NELL2: variants seen among roughly 807,000 people sequenced by gnomAD.
The protein encoded by NELL2 is protein kinase C-binding protein NELL2.
NELL2 carries 41 observed loss-of-function variants against 109.6 expected under a neutral mutation model. The observed-to-expected ratio is 0.37, with a 90% CI of 0.29 to 0.49. NELL2 has a LOEUF of 0.49. NELL2 is among the 20% of genes least tolerant of loss of function. The pLI is 0.98. For missense variants in NELL2, 900 were observed against 1,008.3 expected (o/e 0.89, Z 1.45); for synonymous variants, 355 against 344.7 (o/e 1.03, Z -0.33).
chr12:44,726,689 C>T (rs900964061), intron 9 of NELL2, among the ~76,000 whole-genome samples: 9 of 152,016 alleles, frequency 5.9e-5, no homozygotes, highest in African/African-American at 1.7e-4. Context: ...TAAAGACTTA[C>T]CGTGTTTAAA....
At chr12:44,679,446 C>T (rs1385018321) in intron 12 of NELL2, among the ~76,000 whole-genome samples, 1 of 152,118 alleles carries the variant, frequency 6.6e-6, no homozygotes, top group African/African-American at 2.4e-5. Context: ...GAACACACAG[C>T]TGTGTGAATC....
At chr12:44,603,372 T>A (rs991295339) in intron 15 of NELL2, among the ~76,000 whole-genome samples, 1 of 152,182 alleles carries the variant, frequency 6.6e-6, no homozygotes, top group Non-Finnish European at 1.5e-5. Context: ...TTTAGAGTTA[T>A]GCTTTAAATC....
chr12:44,557,073 T>A (rs1943285375), intron 15 of NELL2, among the ~76,000 whole-genome samples: 1 of 152,220 alleles, frequency 6.6e-6, no homozygotes, highest in Non-Finnish European at 1.5e-5. Flanking sequence ...TCTCTCAGCA[T>A]GCTAATGGCT....
At chr12:44,744,025 T>C (rs1940172093) in intron 9 of NELL2, among the ~76,000 whole-genome samples, 1 of 151,838 alleles carries the variant, frequency 6.6e-6, no homozygotes, top group Non-Finnish European at 1.5e-5. Flanking sequence ...CCACACCTAC[T>C]CCAAAATTGA....
upstream of NELL2, among the ~76,000 whole-genome samples, chr12:44,915,528 T>A (rs994502580): frequency 2.0e-5 from 3 of 152,146 alleles, no homozygotes; most frequent in African/African-American, 7.2e-5. Context: ...TCTAAAGAAT[T>A]CCCCTCTCGA....
At chr12:44,779,301 CT>C (rs1457988695) in intron 5 of NELL2, among the ~76,000 whole-genome samples, 15 of 152,134 alleles carry the variant, frequency 9.9e-5, no homozygotes, top group African/African-American at 3.6e-4. Flanking sequence ...TTTCAATCCG[CT>C]ATTAACATCT....
chr12:44,663,307 G>A (rs1947813605), intron 13 of NELL2, among the ~76,000 whole-genome samples: 2 of 151,654 alleles, frequency 1.3e-5, no homozygotes, highest in Non-Finnish European at 2.9e-5. Context: ...AAATAAAATC[G>A]ACATATTCTC....
chr12:44,542,272 A>G (rs938109836), intron 15 of NELL2, among the ~76,000 whole-genome samples: 10 of 148,340 alleles, frequency 6.7e-5, no homozygotes, highest in Non-Finnish European at 1.5e-4. Context: ...TTGTACCTCA[A>G]TGTCCTCTAT....
chr12:44,647,465 T>C (rs2136310743), intron 13 of NELL2, among the ~76,000 whole-genome samples: 1 of 152,238 alleles, frequency 6.6e-6, no homozygotes, highest in East Asian at 1.9e-4. Context: ...GAAAAAGACA[T>C]AAAGTCTGAA....
chr12:44,629,969 T>G (rs1760458338), intron 13 of NELL2, among the ~76,000 whole-genome samples: 1 of 152,210 alleles, frequency 6.6e-6, no homozygotes, highest in Non-Finnish European at 1.5e-5. Context: ...TTATAATGAA[T>G]AGTGAAGCAC....
chr12:44,802,670 A>G (rs1942870744), intron 3 of NELL2, among the ~76,000 whole-genome samples: 1 of 152,092 alleles, frequency 6.6e-6, no homozygotes, highest in South Asian at 2.1e-4. Context: ...GAATGCTGAT[A>G]TGCATTGGAA....
intron 12 of NELL2, among the ~76,000 whole-genome samples, chr12:44,674,202 T>C (rs1467023533): frequency 6.6e-6 from 1 of 152,158 alleles, no homozygotes; most frequent in Non-Finnish European, 1.5e-5. Flanking sequence ...TCTGGTGATA[T>C]AAATAATTTT....
At chr12:44,522,493 T>C (rs944532475) in intron 17 of NELL2, among the ~76,000 whole-genome samples, 2 of 152,206 alleles carry the variant, frequency 1.3e-5, no homozygotes, top group African/African-American at 4.8e-5. Flanking sequence ...TATATTTGTA[T>C]ATTAGTATGG....
chr12:44,686,116 T>C (rs182832720), intron 12 of NELL2, among the ~76,000 whole-genome samples: 4,375 of 152,274 alleles, frequency 0.029, 192 homozygotes, highest in African/African-American at 0.097. Context: ...TGCTCGTTTC[T>C]TTTTATTCTT....
At chr12:44,661,367 T>C (rs920082818) in intron 13 of NELL2, among the ~76,000 whole-genome samples, 13 of 152,182 alleles carry the variant, frequency 8.5e-5, no homozygotes, top group African/African-American at 2.7e-4. Context: ...ACTAAAACTT[T>C]TTAATAAACT....
chr12:44,882,834 CTTTTTTTTTTTT>C (rs35577007), intron 1 of NELL2, among the ~76,000 whole-genome samples: 1 of 73,278 alleles, frequency 1.4e-5, no homozygotes, highest in Non-Finnish European at 2.4e-5. Flanking sequence ...GGCTATATAC[CTTTTTTTTTTTT>C]TTTTTTTTTT....
At chr12:44,802,904 G>A (rs924363109) in intron 3 of NELL2, among the ~76,000 whole-genome samples, 1 of 151,984 alleles carries the variant, frequency 6.6e-6, no homozygotes, top group African/African-American at 2.4e-5. Flanking sequence ...AAGGTCTGAT[G>A]AGGATCAGGA....
intron 15 of NELL2, among the ~76,000 whole-genome samples, chr12:44,538,982 GAGTT>G (rs1942421267): frequency 6.6e-6 from 1 of 152,010 alleles, no homozygotes; most frequent in Admixed American, 6.6e-5. Flanking sequence ...CCTCTCACCT[GAGTT>G]AGTTAACTAT....
intron 2 of NELL2, among the ~76,000 whole-genome samples, chr12:44,853,143 A>G (rs1944580594): frequency 6.6e-6 from 1 of 152,150 alleles, no homozygotes; most frequent in African/African-American, 2.4e-5. Flanking sequence ...ATATGTCTTC[A>G]TTTTAACCCA....
Sources: gnomAD v4.1 joint callset for allele counts (sites outside exome capture counted in the v4.1 genomes callset) on GRCh38, gnomAD v4.1.1 for gene constraint, MANE v1.5 for transcripts, NCBI Gene and HGNC (gene_info 2026-07-23, HGNC 2026-07-21) for gene names.